The following VWF variants were observed in gnomAD, a reference collection of about 807,000 sequenced individuals.
The protein encoded by VWF is Factor VIII related antigen.
VWF carries 176 observed loss-of-function variants against 308.6 expected under a neutral mutation model. The ratio of observed to expected loss-of-function variants is 0.57; its 90% CI spans 0.50 to 0.65. The LOEUF is 0.65. VWF is among the 30% of genes least tolerant of loss of function. The pLI is 0.00. For synonymous variants in VWF, 1,385 were observed against 1,443.4 expected, an observed-to-expected ratio of 0.96 and a Z score of 0.92; for missense variants, 3,146 against 3,648.2, an observed-to-expected ratio of 0.86 and a Z score of 3.55.
At position 6,034,685 on chromosome 12, in the gene VWF, C is replaced by T. The variant is rs112591105; in HGVS notation, c.2685+3G>A. On this transcript the variant is annotated splice_donor_region_variant and intron_variant, in intron 20 of 51. Transcript: ENST00000261405. ...ACCCTCTCCCCATCTCCCCACCTCTCACCTGCACCAGAACGTACTGGCACT... is the reference window on the plus strand; with the variant it reads ...ACCCTCTCCCCATCTCCCCACCTCTTACCTGCACCAGAACGTACTGGCACT... The T allele has an allele frequency of 5.0e-6, 8 of 1,613,890 alleles. No individual in the cohort carries two copies. Among genetic ancestry groups the T allele is most frequent in the Non-Finnish European group, 6.8e-6 (8 of 1,179,924 alleles).
intron 6 of VWF, among the ~76,000 whole-genome samples, chr12:6,085,535 T>C (rs752965659): frequency 2.0e-5 from 3 of 152,122 alleles, no homozygotes; most frequent in Admixed American, 6.5e-5. Flanking sequence ...ACCTGAGAAA[T>C]AGTTCGTTAA....
intron 6 of VWF, 102 bp downstream of exon 6, chr12:6,095,357 TC>T (rs767890843): frequency 6.4e-7 from 1 of 1,571,460 alleles, no homozygotes; most frequent in Non-Finnish European, 8.7e-7. Context: ...CCTGCGTAAG[TC>T]CATTCCTCCC....
At chr12:6,110,316 G>A in intron 5 of VWF, 58 bp downstream of exon 5, 1 of 1,571,126 alleles carries the variant, frequency 6.4e-7, no homozygotes, top group Non-Finnish European at 8.8e-7. Context: ...AGGTTTATGA[G>A]CAAGGAAATA....
At position 5,967,514 on chromosome 12, in the gene VWF, C is replaced by G; in HGVS notation, c.7859G>C (p.Arg2620Thr). Residue 2620 changes from arginine (R) to threonine (T), a missense_variant, in exon 47 of 52, where the codon AGG becomes ACG. This residue lies in a region of VWF where 989 missense variants were observed against 1,117.4 expected (regional missense o/e 0.89). Transcript: ENST00000261405. ...GVISGFKLEC[R>T]KTTCNPCPLG... ...GGGGCAGGGGTTGCAGGTGGTCTTC[C>G]TGCACTCCAGCTTGAATCCAGAGAT... 1 of 1,614,162 alleles carries G rather than the reference C, an allele frequency of 6.2e-7. No homozygotes were observed. Among genetic ancestry groups the G allele is most frequent in the Non-Finnish European group, 8.5e-7 (1 of 1,180,036 alleles).
At chr12:6,009,230 A>T (rs2136401141) in intron 34 of VWF, among the ~76,000 whole-genome samples, 1 of 146,080 alleles carries the variant, frequency 6.8e-6, no homozygotes, top group African/African-American at 2.5e-5. Flanking sequence ...AACTCATACA[A>T]CTCAATAGCA....
Position 5,953,577 on chromosome 12 carries a change from A to C in VWF, c.7905T>G (p.Asn2635Lys), listed in dbSNP as rs201953086. The C allele has an allele frequency of 1.9e-6, 3 of 1,614,078 alleles. No homozygotes were observed. The highest frequency in any genetic ancestry group is 1.7e-6 in the Non-Finnish European group (2 of 1,180,012). The stretch of plus-strand genomic sequence containing the variant: ...ATCTCCCACAACATTCACCTGTGTT[A>C]TTTTCTTCCTTGTAACCCTGCATCC... ...NPCPLGYKEE[N>K]NTGECCGRCL... The change falls in exon 48 of 52, where the codon AAT (asparagine) becomes AAG (lysine). Residue 2635 changes from asparagine to lysine, a missense_variant. Asn to Lys is a moderately conservative substitution (Grantham distance 94, BLOSUM62 0). Around this residue, in one of 3 missense-constraint regions of VWF, gnomAD observed 989 missense variants for 1,117.4 expected, o/e 0.89. Transcript: ENST00000261405.
At chr12:6,057,254 G>A (rs1055245420) in intron 14 of VWF, among the ~76,000 whole-genome samples, 182 bp from the exon 15 acceptor site, 2 of 151,410 alleles carry the variant, frequency 1.3e-5, no homozygotes, top group Non-Finnish European at 2.9e-5. Flanking sequence ...ATCTAACGCT[G>A]AGTTTGTAAG....
At chr12:6,000,811 C>CAAAAAAAAAAAAAA (rs71064181) in intron 34 of VWF, among the ~76,000 whole-genome samples, 1 of 69,804 alleles carries the variant, frequency 1.4e-5, no homozygotes, top group Non-Finnish European at 2.6e-5. Flanking sequence ...GACTCTGTCT[C>CAAAAAAAAAAAAAA]AAAAAAAAAA....
chr12:6,010,310 AAAAT>A (rs1439879436), intron 34 of VWF, among the ~76,000 whole-genome samples: 3 of 152,334 alleles, frequency 2.0e-5, no homozygotes, highest in African/African-American at 4.8e-5. Context: ...ATTTGCAAAA[AAAAT>A]AAATAAAAAC....
At chr12:6,072,226 G>T in intron 9 of VWF, 105 bp downstream of exon 9, 1 of 1,031,842 alleles carries the variant, frequency 9.7e-7, no homozygotes, top group Non-Finnish European at 1.5e-6. Context: ...TTCTTTCTTG[G>T]CACGGTCCAG....
At chr12:6,017,684 C>T (rs1190727789) in intron 28 of VWF, among the ~76,000 whole-genome samples, 1 of 152,006 alleles carries the variant, frequency 6.6e-6, no homozygotes, top group Non-Finnish European at 1.5e-5. Context: ...TATTATTATC[C>T]CCATTTTATA....
chr12:6,055,761 TAC>T lies in VWF; in HGVS notation c.1945+1094_1945+1095del, dbSNP rs35414262. On this transcript the variant is annotated intron_variant, in intron 15 of 51. Transcript: ENST00000261405. ...TCTACTTTATATATATATATATGTA[TAC>T]ACACACACACACACACACACACACA... Among the ~76,000 whole-genome samples the T allele has an allele frequency of 5.3e-3, 718 of 135,338 alleles. 4 individuals carry two copies. Among genetic ancestry groups the T allele is most frequent in the African/African-American group, 0.018 (634 of 35,286 alleles). The allele number at this position is 135,338 out of a possible 152,430, so 88.8% of individuals were successfully genotyped here. A position where few individuals can be genotyped will look rare whatever the true frequency, so the allele number is the denominator to read the frequency against.
chr12:6,092,622 T>TGAGAGAGAGA lies in VWF; in HGVS notation c.657+2837_657+2838insTCTCTCTCTC, dbSNP rs1403649370. On this transcript the variant is annotated intron_variant, in intron 6 of 51. Transcript: ENST00000261405. ...GCTAGTTAGTGAGTGAGTGAGAGTG[T>TGAGAGAGAGA]GTGTGTGTGTGTGTGTGTGTGTGTG... is the stretch of plus-strand genomic sequence containing the variant. 6.8e-4 allele frequency among the ~76,000 whole-genome samples: 62 copies of TGAGAGAGAGA among 91,526 alleles called. 4 individuals are homozygous for TGAGAGAGAGA. The highest frequency in any genetic ancestry group is 2.8e-3 in the African/African-American group (53 of 18,912). The allele number at this position is 91,526 out of a possible 152,430, so 60.0% of individuals were successfully genotyped here.
At chr12:6,013,452 G>A (rs1472443592) in intron 32 of VWF, 29 bp downstream of exon 32, 1 of 1,613,760 alleles carries the variant, frequency 6.2e-7, no homozygotes, top group African/African-American at 1.3e-5. Context: ...TTTTTTTGAG[G>A]GAAGTAAGAA....
At chr12:6,043,123 G>A (rs898595466) in intron 18 of VWF, among the ~76,000 whole-genome samples, 1 of 152,148 alleles carries the variant, frequency 6.6e-6, no homozygotes, top group Non-Finnish European at 1.5e-5. Flanking sequence ...TTGGCCAATC[G>A]CTAGCTCTCC....
chr12:5,995,263 AT>A (rs1943796495), intron 35 of VWF, among the ~76,000 whole-genome samples: 1 of 152,226 alleles, frequency 6.6e-6, no homozygotes, highest in South Asian at 2.1e-4. Flanking sequence ...TATCAAACAC[AT>A]TAAAATGTAC....
At chr12:6,105,516 G>A (rs182529256) in intron 5 of VWF, among the ~76,000 whole-genome samples, 3 of 152,102 alleles carry the variant, frequency 2.0e-5, no homozygotes, top group East Asian at 1.9e-4. Context: ...GATTACAGGC[G>A]TGGGCCACCA....
Position 5,976,280 on chromosome 12 carries a change from T to G in VWF, c.7288-20A>C. On this transcript the variant is annotated intron_variant, in intron 42 of 51. Transcript: ENST00000261405. Reference sequence around the variant, plus strand: ...ACACACCTGTAGACATAAGTTTTCGTGAGTGAACTCATTTGTTTCATTGAA... The same window carrying G: ...ACACACCTGTAGACATAAGTTTTCGGGAGTGAACTCATTTGTTTCATTGAA... 1 of 1,614,124 alleles carries G rather than the reference T, an allele frequency of 6.2e-7. No individual in the cohort carries two copies. Among genetic ancestry groups the G allele is most frequent in the Non-Finnish European group, 8.5e-7 (1 of 1,180,030 alleles).
chr12:5,951,290 G>C (rs952440423), intron 50 of VWF, among the ~76,000 whole-genome samples: 1 of 152,160 alleles, frequency 6.6e-6, no homozygotes, highest in South Asian at 2.1e-4. Flanking sequence ...ACGAGGTAAA[G>C]AGGAGCTCAG....
Sources: allele counts gnomAD v4.1 joint callset (sites outside exome capture counted in the v4.1 genomes callset), GRCh38; gene constraint gnomAD v4.1.1; regional missense constraint gnomAD v4.1.1; transcripts MANE v1.5; gene names NCBI Gene and HGNC (gene_info 2026-07-23, HGNC 2026-07-21).